The following BTBD1 variants were observed in gnomAD, a reference collection of about 807,000 sequenced individuals.
BTBD1 encodes the protein BTB domain containing 1.
In BTBD1, 34 loss-of-function variants were observed where a neutral mutation model predicts 48.0. The observed-to-expected ratio is 0.71, with a 90% CI of 0.54 to 0.94. BTBD1 has a LOEUF of 0.94. Ranked by LOEUF, BTBD1 falls within the 40% of genes least tolerant of loss-of-function variation. BTBD1 has a pLI of 0.00. For missense variants in BTBD1, 543 were observed against 625.6 expected (o/e 0.87, Z 1.41); for synonymous variants, 261 against 242.1 (o/e 1.08, Z -0.72).
In BTBD1 at chr15:83,052,404, G is replaced by T. The variant is rs141956516; in HGVS notation, c.559-2226C>A. ...GGGCTTTTACTCTTAAATTTCCTAA[G>T]ATTAAGGATATTCTCTTACATAATC... is the stretch of plus-strand genomic sequence containing the variant. On this transcript the variant is annotated intron_variant, in intron 2 of 7. Coordinates refer to ENST00000261721, the MANE Select transcript of BTBD1 (RefSeq NM_025238.4). Among the ~76,000 whole-genome samples the T allele has an allele frequency of 9.2e-3, 1,394 of 152,142 alleles. 15 individuals carry two copies. Among genetic ancestry groups the T allele is most frequent in the Non-Finnish European group, 0.011 (757 of 68,000 alleles).
chr15:83,036,533 A>G (rs1012364223), intron 4 of BTBD1, among the ~76,000 whole-genome samples: 2 of 152,190 alleles, frequency 1.3e-5, no homozygotes, highest in African/African-American at 4.8e-5. Flanking sequence ...AGGATCTACT[A>G]AAGCCGACCA....
rs139298067 is a variant in BTBD1 at position 83,063,908 on chromosome 15, A to G, written c.401+2843T>C. Among the ~76,000 whole-genome samples, 306 of 152,318 alleles carry G rather than the reference A, an allele frequency of 2.0e-3. 2 individuals carry two copies. The highest frequency in any genetic ancestry group is 5.6e-3 in the Admixed American group (85 of 15,294). On this transcript the variant is annotated intron_variant, in intron 1 of 7. Coordinates refer to ENST00000261721, the MANE Select transcript of BTBD1 (RefSeq NM_025238.4). ...AACATTCATCAGTACTTGACATTGT[A>G]TCTTTAGTTTCCCTTTACTAGATTA... is the stretch of plus-strand genomic sequence containing the variant.
chr15:83,061,072 A>G (rs940497015), intron 1 of BTBD1, among the ~76,000 whole-genome samples: 6 of 152,192 alleles, frequency 3.9e-5, no homozygotes, highest in African/African-American at 1.4e-4. Context: ...TTGTTCGGCA[A>G]TTTCATCATC....
chr15:83,066,902 C>G lies in BTBD1; in HGVS notation c.250G>C (p.Ala84Pro). Residue 84 changes from alanine to proline, a missense_variant, in exon 1 of 8, where the codon GCT becomes CCT. Around this residue, in one of 3 missense-constraint regions of BTBD1, gnomAD observed 173 missense variants for 163.9 expected, o/e 1.06. Transcript: ENST00000261721. ...VLGKGRGAAA[A>P]GGPQRIPAHR... ...GCGGGGATGCGCTGCGGGCCCCCAG[C>G]GGCGGCGGCGCCGCGACCCTTGCCC... The G allele has an allele frequency of 6.6e-7, 1 of 1,513,164 alleles. No individual in the cohort carries two copies. Among genetic ancestry groups the G allele is most frequent in the East Asian group, 2.7e-5 (1 of 36,620 alleles). 93.7% of individuals were successfully genotyped at this position (1,513,164 alleles called of 1,614,324 possible).
chr15:83,023,773 C>T (rs982298515), intron 5 of BTBD1, among the ~76,000 whole-genome samples: 2 of 152,136 alleles, frequency 1.3e-5, no homozygotes, highest in Admixed American at 6.6e-5. Context: ...TAAGGTATAA[C>T]GATCATTTTT....
In BTBD1 at chr15:83,018,764, G is replaced by C; in HGVS notation, c.1233C>G (p.Phe411Leu). ...DGTANTFRVM[F>L]KEPIEILPNV... Reference sequence around the variant, plus strand: ...TGGGCAGGATCTCTATGGGTTCCTTGAACATGACCCTGAATGTGTTAGCTG... The same window carrying C: ...TGGGCAGGATCTCTATGGGTTCCTTCAACATGACCCTGAATGTGTTAGCTG... Residue 411 changes from phenylalanine (F) to leucine (L), a missense_variant, in exon 7 of 8, where the codon TTC (phenylalanine) becomes TTG (leucine). Physicochemically the swap from Phe to Leu is conservative, Grantham distance 22. Around this residue, in one of 3 missense-constraint regions of BTBD1, gnomAD observed 300 missense variants for 350.0 expected, o/e 0.86. Coordinates refer to ENST00000261721, the MANE Select transcript of BTBD1 (RefSeq NM_025238.4). The C allele has an allele frequency of 6.2e-7, 1 of 1,614,088 alleles. No individual in the cohort carries two copies. Among genetic ancestry groups the C allele is most frequent in the Non-Finnish European group, 8.5e-7 (1 of 1,179,990 alleles).
At chr15:83,023,573 G>A (rs749171134) in intron 5 of BTBD1, among the ~76,000 whole-genome samples, 3 of 151,482 alleles carry the variant, frequency 2.0e-5, no homozygotes, top group Non-Finnish European at 2.9e-5. Context: ...ATTTGTAGAT[G>A]CGGGGTCTCA....
chr15:83,044,166 C>T (rs1049165443), intron 3 of BTBD1, among the ~76,000 whole-genome samples: 7 of 152,102 alleles, frequency 4.6e-5, no homozygotes, highest in African/African-American at 1.2e-4. Flanking sequence ...CTTCACTGTA[C>T]AATAATAATG....
At chr15:83,060,244 T>C (rs1161030446) in intron 1 of BTBD1, among the ~76,000 whole-genome samples, 1 of 151,996 alleles carries the variant, frequency 6.6e-6, no homozygotes, top group Non-Finnish European at 1.5e-5. Context: ...ATACATTTCC[T>C]TTACATTCTA....
chr15:83,032,589 A>C (rs575482490), intron 4 of BTBD1, among the ~76,000 whole-genome samples: 1 of 152,198 alleles, frequency 6.6e-6, no homozygotes, highest in Non-Finnish European at 1.5e-5. Context: ...AACTTGGATG[A>C]ACTTGGAGGC....
chr15:83,060,348 T>C (rs1008727487), intron 1 of BTBD1, among the ~76,000 whole-genome samples: 1 of 151,814 alleles, frequency 6.6e-6, no homozygotes, highest in African/African-American at 2.4e-5. Flanking sequence ...CAATTCTTCG[T>C]ATTTTAAAGT....
intron 4 of BTBD1, among the ~76,000 whole-genome samples, chr15:83,036,207 G>A (rs565495149): frequency 1.3e-5 from 2 of 148,478 alleles, no homozygotes; most frequent in African/African-American, 4.9e-5. Context: ...TTGCAAGATG[G>A]TAAACATAAA....
At chr15:83,037,761 G>A (rs1193045285) in intron 4 of BTBD1, among the ~76,000 whole-genome samples, 3 of 152,158 alleles carry the variant, frequency 2.0e-5, no homozygotes, top group African/African-American at 7.2e-5. Context: ...CTTCACAGAT[G>A]ATATGCTTCT....
intron 1 of BTBD1, 105 bp from the exon 2 acceptor site, chr15:83,056,650 T>C: frequency 9.8e-7 from 1 of 1,015,566 alleles, no homozygotes; most frequent in Non-Finnish European, 1.4e-6. Flanking sequence ...TTTTATTTTA[T>C]GTTTTCATCC....
intron 2 of BTBD1, among the ~76,000 whole-genome samples, chr15:83,054,428 G>T (rs937542584): frequency 2.0e-5 from 3 of 152,124 alleles, no homozygotes; most frequent in African/African-American, 7.2e-5. Context: ...ATATGTAAAG[G>T]GGATAGCTTG....
chr15:83,052,512 C>T (rs1364914323), intron 2 of BTBD1, among the ~76,000 whole-genome samples: 1 of 151,984 alleles, frequency 6.6e-6, no homozygotes, highest in Non-Finnish European at 1.5e-5. Context: ...TGTCACTTGC[C>T]CCAACGTTTT....
chr15:83,018,249 T>A (rs772506785), intron 7 of BTBD1, 24 bp from the exon 8 acceptor site: 1 of 1,515,252 alleles, frequency 6.6e-7, no homozygotes, highest in South Asian at 1.4e-5. Context: ...AAAGGTTCCT[T>A]AGTAATTTTC....
intron 4 of BTBD1, among the ~76,000 whole-genome samples, chr15:83,037,304 A>T (rs182060622): frequency 5.3e-5 from 8 of 152,348 alleles, no homozygotes; most frequent in African/African-American, 1.9e-4. Flanking sequence ...TGAAGGTGGA[A>T]GAATCACTTG....
In BTBD1 at chr15:83,058,556, C is replaced by T. The variant is rs189115016; in HGVS notation, c.402-2011G>A. Among the ~76,000 whole-genome samples, 30 of 151,624 alleles carry T rather than the reference C, an allele frequency of 2.0e-4. 1 individual carries two copies. Among genetic ancestry groups the T allele is most frequent in the Admixed American group, 1.6e-3 (25 of 15,206 alleles). On this transcript the variant is annotated intron_variant, in intron 1 of 7. Transcript: ENST00000261721. ...TCTGGGAGGTGGAGGCTGCAGGGAG[C>T]GGAGATCGCAACACTGCACTCTAGC...
Sources: allele counts gnomAD v4.1 joint callset (sites outside exome capture counted in the v4.1 genomes callset), GRCh38; gene constraint gnomAD v4.1.1; regional missense constraint gnomAD v4.1.1; transcripts MANE v1.5; gene names NCBI Gene and HGNC (gene_info 2026-07-23, HGNC 2026-07-21).